CSGALNACT1: variants seen among roughly 807,000 people sequenced by gnomAD.
CSGALNACT1 encodes the protein beta4GalNAcT-1.
CSGALNACT1 carries 52 observed loss-of-function variants against 51.0 expected under a neutral mutation model. The ratio of observed to expected loss-of-function variants is 1.02; its 90% CI spans 0.82 to 1.29. CSGALNACT1 has a LOEUF of 1.29. Ranked by LOEUF, CSGALNACT1 falls within the 50% of genes most tolerant of loss-of-function variation. CSGALNACT1 has a pLI of 0.00. For missense variants in CSGALNACT1, 935 were observed against 679.2 expected (o/e 1.38, Z -4.19); for synonymous variants, 341 against 254.4 (o/e 1.34, Z -3.24).
chr8:19,465,590 C>A (rs578011653), intron 4 of CSGALNACT1, among the ~76,000 whole-genome samples: 1 of 152,326 alleles, frequency 6.6e-6, no homozygotes, highest in South Asian at 2.1e-4. Context: ...ATGCTTCCAC[C>A]TTCCCCTTTT....
At chr8:19,732,714 T>C (rs1350844528) in intron 1 of CSGALNACT1, 1 of 152,236 alleles carries the variant, frequency 6.6e-6, no homozygotes, top group Non-Finnish European at 1.5e-5. Flanking sequence ...AAAAGTTACA[T>C]ATATGGATCT....
intron 6 of CSGALNACT1, among the ~76,000 whole-genome samples, chr8:19,433,910 C>T (rs1003405419): frequency 6.6e-6 from 1 of 152,196 alleles, no homozygotes; most frequent in East Asian, 1.9e-4. Flanking sequence ...TAAATATCTC[C>T]AACCCCATTT....
At chr8:19,568,841 G>C (rs2042423684) in intron 3 of CSGALNACT1, among the ~76,000 whole-genome samples, 1 of 152,132 alleles carries the variant, frequency 6.6e-6, no homozygotes, top group Non-Finnish European at 1.5e-5. Context: ...AGAATAGACA[G>C]CTTTTTATAT....
At chr8:19,427,821 A>G (rs2059012684) in intron 6 of CSGALNACT1, among the ~76,000 whole-genome samples, 1 of 152,052 alleles carries the variant, frequency 6.6e-6, no homozygotes, top group African/African-American at 2.4e-5. Context: ...GAGGGTGGCA[A>G]TCTTAACACC....
At chr8:19,632,205 C>A (rs192552442) in intron 1 of CSGALNACT1, among the ~76,000 whole-genome samples, 13 of 152,362 alleles carry the variant, frequency 8.5e-5, no homozygotes, top group Middle Eastern at 3.4e-3. Context: ...ACAGTTATGA[C>A]TTTATGATGT....
chr8:19,470,239 G>T (rs527916979), intron 4 of CSGALNACT1, among the ~76,000 whole-genome samples: 1 of 152,232 alleles, frequency 6.6e-6, no homozygotes, highest in African/African-American at 2.4e-5. Flanking sequence ...GAAAGCTTGG[G>T]GCAAGGAACC....
At chr8:19,693,211 TC>T (rs2061418899) in intron 1 of CSGALNACT1, among the ~76,000 whole-genome samples, 1 of 152,090 alleles carries the variant, frequency 6.6e-6, no homozygotes, top group South Asian at 2.1e-4. Context: ...GAGAATTTCC[TC>T]CCCTGCCTTT....
intron 1 of CSGALNACT1, among the ~76,000 whole-genome samples, chr8:19,639,535 C>T (rs994534523): frequency 6.6e-6 from 1 of 152,200 alleles, no homozygotes; most frequent in African/African-American, 2.4e-5. Flanking sequence ...CCCCATCACT[C>T]TTGGTCAGGG....
chr8:19,431,786 G>A (rs148860565), intron 6 of CSGALNACT1, among the ~76,000 whole-genome samples: 3 of 148,572 alleles, frequency 2.0e-5, no homozygotes, highest in African/African-American at 7.3e-5. Flanking sequence ...CGAAGCCTGG[G>A]CTTTCCTCTG....
At chr8:19,513,434 CTCTATATATA>C (rs1563833806) in intron 3 of CSGALNACT1, among the ~76,000 whole-genome samples, 1 of 66,534 alleles carries the variant, frequency 1.5e-5, no homozygotes, top group Non-Finnish European at 3.3e-5. Context: ...CTCTCTCTCT[CTCTATATATA>C]TATATATATA....
At chr8:19,599,661 T>C (rs1287441859) in intron 2 of CSGALNACT1, among the ~76,000 whole-genome samples, 4 of 152,114 alleles carry the variant, frequency 2.6e-5, no homozygotes, top group Non-Finnish European at 5.9e-5. Flanking sequence ...CTTGGGCAAA[T>C]GCAAAGTTAT....
chr8:19,636,946 T>G, intron 1 of CSGALNACT1, among the ~76,000 whole-genome samples: 1 of 152,034 alleles, frequency 6.6e-6, no homozygotes, highest in East Asian at 1.9e-4. Flanking sequence ...TAATCGCACT[T>G]TGGGAGGCCA....
chr8:19,472,319 G>A (rs2068383555), intron 4 of CSGALNACT1, among the ~76,000 whole-genome samples: 1 of 152,176 alleles, frequency 6.6e-6, no homozygotes, highest in Non-Finnish European at 1.5e-5. Context: ...GCAATAAGCA[G>A]GAACCAAAAG....
chr8:19,574,837 C>T (rs2043803852), intron 3 of CSGALNACT1, among the ~76,000 whole-genome samples: 1 of 152,242 alleles, frequency 6.6e-6, no homozygotes, highest in Admixed American at 6.5e-5. Context: ...GAGATCAAGA[C>T]CACCCTGGCC....
chr8:19,641,263 C>T (rs147494177), intron 1 of CSGALNACT1, among the ~76,000 whole-genome samples: 141 of 151,590 alleles, frequency 9.3e-4, no homozygotes, highest in South Asian at 3.8e-3. Flanking sequence ...TCTATGCCCA[C>T]AATCCCTACC....
chr8:19,660,967 C>T (rs2058701203), intron 1 of CSGALNACT1, among the ~76,000 whole-genome samples: 1 of 152,282 alleles, frequency 6.6e-6, no homozygotes, highest in African/African-American at 2.4e-5. Context: ...GGCTGGAGTG[C>T]AGTGGTGCCA....
chr8:19,712,488 C>T (rs1044115832), intron 1 of CSGALNACT1, among the ~76,000 whole-genome samples: 1 of 152,146 alleles, frequency 6.6e-6, no homozygotes, highest in East Asian at 1.9e-4. Context: ...CTACCTCTAG[C>T]CACTGAGTAC....
At chr8:19,464,136 C>T (rs145942165) in intron 4 of CSGALNACT1, among the ~76,000 whole-genome samples, 8 of 152,282 alleles carry the variant, frequency 5.3e-5, no homozygotes, top group African/African-American at 1.9e-4. Context: ...ACACATTACA[C>T]TCATTCTCAA....
intron 4 of CSGALNACT1, among the ~76,000 whole-genome samples, chr8:19,461,858 CACCAT>C (rs1563530771): frequency 6.6e-6 from 1 of 151,478 alleles, no homozygotes; most frequent in Non-Finnish European, 1.5e-5. Context: ...CAGCCACATT[CACCAT>C]GGAGGGCGTA....
Sources: allele counts gnomAD v4.1 joint callset (sites outside exome capture counted in the v4.1 genomes callset), GRCh38; gene constraint gnomAD v4.1.1; transcripts MANE v1.5; gene names NCBI Gene and HGNC (gene_info 2026-07-23, HGNC 2026-07-21).